Variants in PARPBP observed in about 807,000 individuals in gnomAD.
The protein encoded by PARPBP is PARP1 binding protein, also known as PCNA-interacting partner.
Under a neutral mutation model 50.0 loss-of-function variants are expected in PARPBP, and 52 were observed. The ratio of observed to expected loss-of-function variants is 1.04; its 90% confidence interval spans 0.83 to 1.31. The LOEUF (loss-of-function observed/expected upper bound fraction) is 1.31, where lower values mean the gene tolerates loss of function less well. Ranked by LOEUF, PARPBP falls within the 50% of genes most tolerant of loss-of-function variation. The pLI is 0.00. For synonymous variants in PARPBP, 244 were observed against 232.1 expected, an observed-to-expected ratio of 1.05 and a Z score of -0.47; for missense variants, 697 against 672.0, an observed-to-expected ratio of 1.04 and a Z score of -0.41.
In PARPBP at chr12:102,166,017, GA is replaced by G. The variant is rs1594572942; in HGVS notation, c.821+136del. 8.4e-6 allele frequency: 5 copies of G among 596,162 alleles called. No homozygotes were observed. The East Asian group carries it at 1.5e-4, about 18-fold the overall frequency. 36.9% of individuals were successfully genotyped at this position (596,162 alleles called of 1,614,324 possible). ...TGAGGCGAAGAAACAAAATCTAGAT[GA>G]ATAAATTATAATCACATGACCTTAC... On this transcript the variant is annotated intron_variant, in intron 6 of 10. Transcript: ENST00000327680.
chr12:102,133,003 A>G (rs1324171251), intron 2 of PARPBP, among the ~76,000 whole-genome samples: 1 of 152,072 alleles, frequency 6.6e-6, no homozygotes, highest in African/African-American at 2.4e-5. Context: ...TGATTTTTGT[A>G]TCTTGCCACT....
intron 5 of PARPBP, 115 bp downstream of exon 5, chr12:102,164,723 T>C (rs758219239): frequency 9.8e-6 from 8 of 818,684 alleles, no homozygotes; most frequent in Admixed American, 2.1e-5. Context: ...ATGTTCTACC[T>C]CTGTATTTGA....
intron 2 of PARPBP, among the ~76,000 whole-genome samples, chr12:102,133,369 G>C (rs2137545803): frequency 6.6e-6 from 1 of 151,046 alleles, no homozygotes; most frequent in South Asian, 2.1e-4. Context: ...ATTTAATTTT[G>C]TCAGATGTTT....
Position 102,187,906 on chromosome 12 carries a change from A to C in PARPBP, c.1263+5279A>C, listed in dbSNP as rs145910346. Among the ~76,000 whole-genome samples, 241 of 152,316 alleles carry C rather than the reference A, an allele frequency of 1.6e-3. 3 individuals are homozygous for C. In the East Asian group the frequency reaches 0.029, roughly 18 times the overall value. ...AGACATAGGAGAGCTATATAATCAAAGAATTTTTAAAAAATTAAAAATCTG... is the reference window on the plus strand; with the variant it reads ...AGACATAGGAGAGCTATATAATCAACGAATTTTTAAAAAATTAAAAATCTG... On this transcript the variant is annotated intron_variant, in intron 9 of 10. Transcript: ENST00000327680.
chr12:102,165,645 T>G, intron 5 of PARPBP, 84 bp from the exon 6 acceptor site: 1 of 1,074,318 alleles, frequency 9.3e-7, no homozygotes, highest in Non-Finnish European at 1.4e-6. Flanking sequence ...TACCCAGAAT[T>G]ATATAGATTT....
At chr12:102,160,687 G>A (rs1005397719) in intron 4 of PARPBP, among the ~76,000 whole-genome samples, 10 of 152,294 alleles carry the variant, frequency 6.6e-5, no homozygotes, top group Non-Finnish European at 1.5e-4. Context: ...GGTGGTTAAC[G>A]CCTGTAATCC....
At chr12:102,130,569 AAAAG>A (rs1882689956) in intron 2 of PARPBP, among the ~76,000 whole-genome samples, 2 of 152,274 alleles carry the variant, frequency 1.3e-5, no homozygotes, top group South Asian at 4.1e-4. Context: ...GAAGTAGGCA[AAAAG>A]CTGGGCATGG....
chr12:102,168,516 G>A (rs1888377275), intron 6 of PARPBP, among the ~76,000 whole-genome samples: 1 of 151,948 alleles, frequency 6.6e-6, no homozygotes. Flanking sequence ...GTTTATTTTT[G>A]TTCTGCAGTA....
At chr12:102,182,911 G>T (rs1052847890) in intron 9 of PARPBP, among the ~76,000 whole-genome samples, 6 of 152,186 alleles carry the variant, frequency 3.9e-5, no homozygotes, top group Non-Finnish European at 8.8e-5. Flanking sequence ...AATGAGTGAT[G>T]TGGAAAATAA....
intron 3 of PARPBP, among the ~76,000 whole-genome samples, chr12:102,151,122 C>T (rs1159964122): frequency 2.6e-5 from 4 of 151,966 alleles, no homozygotes; most frequent in African/African-American, 7.3e-5. Flanking sequence ...CTGCAACACA[C>T]GTGCGTAACA....
At chr12:102,194,855 A>G (rs2137555890) in intron 9 of PARPBP, among the ~76,000 whole-genome samples, 1 of 150,302 alleles carries the variant, frequency 6.7e-6, no homozygotes, top group Admixed American at 6.6e-5. Flanking sequence ...TCATCTTAGC[A>G]TTTCTTCCCT....
Position 102,196,995 on chromosome 12 carries a change from A to G in PARPBP, c.*704A>G, listed in dbSNP as rs1427255818. 6.2e-7 allele frequency: 1 copy of G among 1,611,532 alleles called. No homozygotes were observed. The highest frequency in any genetic ancestry group is 1.3e-5 in the African/African-American group (1 of 74,928). ...CACTGTCAAAATCTCTCCTTCCTAT[A>G]GGAAATTTAGCTGAGTTTTCTTCAT... is the stretch of plus-strand genomic sequence containing the variant. On this transcript the variant is annotated 3_prime_UTR_variant, in exon 11 of 11. Coordinates refer to ENST00000327680, the MANE Select transcript of PARPBP (RefSeq NM_017915.5).
chr12:102,137,074 C>T (rs1883750813), intron 2 of PARPBP, among the ~76,000 whole-genome samples: 1 of 152,114 alleles, frequency 6.6e-6, no homozygotes, highest in African/African-American at 2.4e-5. Flanking sequence ...CTTGCCTCAG[C>T]CTCCTGAGTA....
At chr12:102,128,608 C>G (rs929377996) in intron 2 of PARPBP, among the ~76,000 whole-genome samples, 1 of 152,150 alleles carries the variant, frequency 6.6e-6, no homozygotes, top group Non-Finnish European at 1.5e-5. Context: ...TCTTACTTTC[C>G]TTAATATAAT....
chr12:102,131,701 A>G (rs1882883168), intron 2 of PARPBP, among the ~76,000 whole-genome samples: 1 of 152,322 alleles, frequency 6.6e-6, no homozygotes, highest in East Asian at 1.9e-4. Flanking sequence ...AAAAGGAACT[A>G]GAGACCATTA....
intron 2 of PARPBP, 28 bp downstream of exon 2, chr12:102,124,069 G>A: frequency 1.3e-6 from 2 of 1,504,780 alleles, no homozygotes; most frequent in Non-Finnish European, 1.8e-6. Flanking sequence ...GGGTTAACTT[G>A]TTTTTTTAAA....
chr12:102,144,246 G>A (rs1401037203), intron 2 of PARPBP, among the ~76,000 whole-genome samples: 3 of 152,160 alleles, frequency 2.0e-5, no homozygotes, highest in African/African-American at 7.2e-5. Flanking sequence ...AGAAAAATAT[G>A]ATATAATGTA....
chr12:102,167,503 A>G (rs917924594), intron 6 of PARPBP, among the ~76,000 whole-genome samples: 1 of 152,080 alleles, frequency 6.6e-6, no homozygotes, highest in Non-Finnish European at 1.5e-5. Flanking sequence ...GTGAGGCCCT[A>G]TAGAGCTGAT....
intron 2 of PARPBP, among the ~76,000 whole-genome samples, chr12:102,147,647 A>G (rs1033404033): frequency 1.3e-5 from 2 of 151,974 alleles, no homozygotes; most frequent in Admixed American, 6.6e-5. Flanking sequence ...GCGCACCAGC[A>G]TGGCATATGT....
Sources: gnomAD v4.1 joint callset for allele counts (sites outside exome capture counted in the v4.1 genomes callset) on GRCh38, gnomAD v4.1.1 for gene constraint, MANE v1.5 for transcripts, NCBI Gene and HGNC (gene_info 2026-07-23, HGNC 2026-07-21) for gene names.